The following SLC7A1 variants were observed in gnomAD, a reference collection of about 807,000 sequenced individuals.
SLC7A1 encodes the protein solute carrier family 7 member 1, also known as high affinity cationic amino acid transporter 1.
Under a neutral mutation model 53.9 loss-of-function variants are expected in SLC7A1, and 10 were observed. That is an observed-to-expected ratio of 0.19 (90% CI 0.11 to 0.31). The LOEUF is 0.31. Among genes scored for constraint, SLC7A1 ranks in the 10% least tolerant of loss-of-function variants. The pLI is 1.00. For missense variants in SLC7A1, 525 were observed against 827.2 expected, an observed-to-expected ratio of 0.63 and a Z score of 4.48; for synonymous variants, 342 against 338.7, an observed-to-expected ratio of 1.01 and a Z score of -0.11.
intron 1 of SLC7A1, among the ~76,000 whole-genome samples, chr13:29,560,024 A>T (rs551283147): frequency 1.3e-5 from 2 of 151,704 alleles, no homozygotes; most frequent in South Asian, 2.1e-4. Context: ...CCTTTTTTTT[A>T]AAACTCTTAC....
chr13:29,546,541 C>T (rs1033032067), intron 2 of SLC7A1, among the ~76,000 whole-genome samples: 16 of 152,166 alleles, frequency 1.1e-4, no homozygotes, highest in Non-Finnish European at 2.2e-4. Flanking sequence ...ACTTAATTTT[C>T]ACTGGACATT....
chr13:29,534,944 G>A (rs1037203555), intron 3 of SLC7A1, among the ~76,000 whole-genome samples: 3 of 152,212 alleles, frequency 2.0e-5, no homozygotes, highest in South Asian at 4.1e-4. Context: ...AGCAAAGCGT[G>A]TTTACCTGGC....
At chr13:29,546,866 C>T (rs970798718) in intron 2 of SLC7A1, among the ~76,000 whole-genome samples, 1 of 152,216 alleles carries the variant, frequency 6.6e-6, no homozygotes, top group African/African-American at 2.4e-5. Flanking sequence ...CATCACACAA[C>T]ACCAGCTCCA....
chr13:29,555,357 CAAAAA>C (rs538934310), intron 1 of SLC7A1, among the ~76,000 whole-genome samples: 207 of 18,776 alleles, frequency 0.011, 4 homozygotes, highest in African/African-American at 0.025. Flanking sequence ...GACTCCGTCT[CAAAAA>C]AAAAAAAAAA....
In SLC7A1 at chr13:29,523,370, G is replaced by A; in HGVS notation, c.945C>T (p.Phe315=). 1 of 1,613,834 alleles carries A rather than the reference G, an allele frequency of 6.2e-7. No individual in the cohort carries two copies. The highest frequency in any genetic ancestry group is 8.5e-7 in the Non-Finnish European group (1 of 1,180,018). ...SAALTLMMPY[F]CLDNNSPLPD... ...GCAGGGGGCTGTTATTGTCCAGGCA[G>A]AAGTAGGGCATCATGAGCGTGAGGG... The change falls in exon 7 of 13, where the codon TTC becomes TTT. Residue 315 remains phenylalanine, a synonymous_variant. Transcript: ENST00000380752.
At chr13:29,587,001 G>A (rs944917454) in intron 1 of SLC7A1, among the ~76,000 whole-genome samples, 4 of 152,186 alleles carry the variant, frequency 2.6e-5, no homozygotes, top group African/African-American at 9.7e-5. Flanking sequence ...AGGGTGTGTG[G>A]AGTCTGGGCG....
At chr13:29,524,630 G>A (rs1304331502) in intron 5 of SLC7A1, among the ~76,000 whole-genome samples, 7 of 152,126 alleles carry the variant, frequency 4.6e-5, no homozygotes, top group South Asian at 2.1e-4. Context: ...ATGCAGAGCC[G>A]CCAGCCAGTC....
chr13:29,551,482 T>C (rs531153040), intron 2 of SLC7A1, among the ~76,000 whole-genome samples: 1 of 151,912 alleles, frequency 6.6e-6, no homozygotes, highest in African/African-American at 2.4e-5. Context: ...TCAGACAGGG[T>C]TCAAGACTTG....
chr13:29,557,725 T>G, intron 1 of SLC7A1, among the ~76,000 whole-genome samples: 1 of 90,990 alleles, frequency 1.1e-5, no homozygotes, highest in Non-Finnish European at 2.1e-5. Flanking sequence ...AGGAGGAGAG[T>G]GAATGTGAGT....
At chr13:29,594,967 T>C (rs966690763) in intron 1 of SLC7A1, among the ~76,000 whole-genome samples, 2 of 151,380 alleles carry the variant, frequency 1.3e-5, no homozygotes, top group Non-Finnish European at 3.0e-5. Flanking sequence ...CGGGGTGCTC[T>C]GCACCGCGCC....
At chr13:29,539,796 G>C (rs1223565729) in intron 2 of SLC7A1, among the ~76,000 whole-genome samples, 1 of 152,126 alleles carries the variant, frequency 6.6e-6, no homozygotes, top group Admixed American at 6.5e-5. Flanking sequence ...CTAGGGAGAG[G>C]GCAAACTGAA....
At chr13:29,561,059 G>A (rs1277700623) in intron 1 of SLC7A1, among the ~76,000 whole-genome samples, 5 of 152,170 alleles carry the variant, frequency 3.3e-5, no homozygotes, top group Non-Finnish European at 7.3e-5. Flanking sequence ...GTTATGTACT[G>A]AGTGCCAGGT....
Position 29,535,971 on chromosome 13 carries a change from G to C in SLC7A1, c.218C>G (p.Ala73Gly). Residue 73 changes from alanine (A) to glycine (G), a missense_variant, in exon 3 of 13, where the codon GCT becomes GGT. Transcript: ENST00000380752. Reference protein sequence around the residue: ...GPAIVISFLIAALASVLAGLC... With the variant: ...GPAIVISFLIGALASVLAGLC... ...GCCAGCCAGCACTGAGGCCAGCGCAGCGATCAGGAAGGAGATGACAATGGC... is the reference window on the plus strand; with the variant it reads ...GCCAGCCAGCACTGAGGCCAGCGCACCGATCAGGAAGGAGATGACAATGGC... 6.2e-7 allele frequency: 1 copy of C among 1,614,172 alleles called. No individual in the cohort carries two copies. The highest frequency in any genetic ancestry group is 8.5e-7 in the Non-Finnish European group (1 of 1,180,036).
chr13:29,564,538 C>T (rs1203922537), intron 1 of SLC7A1, among the ~76,000 whole-genome samples: 1 of 152,200 alleles, frequency 6.6e-6, no homozygotes, highest in African/African-American at 2.4e-5. Context: ...TACTGAAACT[C>T]TATGCCAGAC....
At chr13:29,559,577 G>A (rs1409255828) in intron 1 of SLC7A1, among the ~76,000 whole-genome samples, 1 of 151,844 alleles carries the variant, frequency 6.6e-6, no homozygotes, top group Non-Finnish European at 1.5e-5. Flanking sequence ...GAAGGCCTAG[G>A]ACATGACTGC....
At chr13:29,559,709 T>G (rs1170766502) in intron 1 of SLC7A1, among the ~76,000 whole-genome samples, 2 of 152,078 alleles carry the variant, frequency 1.3e-5, no homozygotes, top group Non-Finnish European at 2.9e-5. Flanking sequence ...TTTACAAACT[T>G]TTTTGTAACT....
At chr13:29,568,576 A>G (rs1422387837) in intron 1 of SLC7A1, among the ~76,000 whole-genome samples, 2 of 152,268 alleles carry the variant, frequency 1.3e-5, no homozygotes, top group Admixed American at 6.5e-5. Flanking sequence ...CCTTGCACAC[A>G]GCAGTGCACA....
At chr13:29,583,539 T>G (rs1871744192) in intron 1 of SLC7A1, among the ~76,000 whole-genome samples, 1 of 152,282 alleles carries the variant, frequency 6.6e-6, no homozygotes, top group Admixed American at 6.5e-5. Flanking sequence ...AAGACCTCCC[T>G]TGCAGATGCT....
At chr13:29,520,072 C>T (rs1868561213) in intron 8 of SLC7A1, among the ~76,000 whole-genome samples, 2 of 152,144 alleles carry the variant, frequency 1.3e-5, no homozygotes, top group Non-Finnish European at 2.9e-5. Context: ...CACTCACCAT[C>T]CATCCATCAA....
Sources: gnomAD v4.1 joint callset for allele counts (sites outside exome capture counted in the v4.1 genomes callset) on GRCh38, gnomAD v4.1.1 for gene constraint, MANE v1.5 for transcripts, NCBI Gene and HGNC (gene_info 2026-07-23, HGNC 2026-07-21) for gene names.